Variants in RASGRP3 observed in about 807,000 individuals in gnomAD.
The protein encoded by RASGRP3 is ras guanyl-releasing protein 3.
RASGRP3 carries 54 observed loss-of-function variants against 82.7 expected under a neutral mutation model. The ratio of observed to expected loss-of-function variants is 0.65; its 90% CI spans 0.52 to 0.82. The LOEUF (loss-of-function observed/expected upper bound fraction) is 0.82. Ranked by LOEUF, RASGRP3 falls within the 40% of genes least tolerant of loss-of-function variation. The pLI is 0.00. For missense variants in RASGRP3, 861 were observed against 828.9 expected, an observed-to-expected ratio of 1.04 and a Z score of -0.48; for synonymous variants, 309 against 300.5, an observed-to-expected ratio of 1.03 and a Z score of -0.29.
intron 11 of RASGRP3, among the ~76,000 whole-genome samples, chr2:33,534,636 C>T (rs1281480758): frequency 2.6e-5 from 4 of 151,696 alleles, no homozygotes; most frequent in African/African-American, 9.7e-5. Flanking sequence ...TCATGTGATT[C>T]TCCTGCTTCA....
intron 1 of RASGRP3, among the ~76,000 whole-genome samples, chr2:33,499,069 T>C (rs973116603): frequency 2.0e-4 from 31 of 152,220 alleles, no homozygotes; most frequent in African/African-American, 7.0e-4. Flanking sequence ...ATGTATTCAA[T>C]AATCAAAAGA....
At chr2:33,489,401 A>G (rs1668666627) in intron 1 of RASGRP3, among the ~76,000 whole-genome samples, 1 of 152,194 alleles carries the variant, frequency 6.6e-6, no homozygotes, top group South Asian at 2.1e-4. Context: ...TCAAATGGCC[A>G]GTCCTTCAGA....
intron 4 of RASGRP3, among the ~76,000 whole-genome samples, chr2:33,518,269 T>C (rs548683954): frequency 6.6e-6 from 1 of 152,352 alleles, no homozygotes; most frequent in African/African-American, 2.4e-5. Context: ...GTCGCTGTAC[T>C]GAATTCTATA....
chr2:33,564,669 G>GC lies in RASGRP3; in HGVS notation c.*1934dup, dbSNP rs887631835. On this transcript the variant is annotated 3_prime_UTR_variant, in exon 18 of 18. Coordinates refer to ENST00000403687, the MANE Select transcript of RASGRP3 (RefSeq NM_001139488.2). ...GTACATAGGAAGTTTTATATTGCCA[G>GC]CCTTCCTGTGATAAAGATATTAAAT... is the stretch of plus-strand genomic sequence containing the variant. 3.3e-4 allele frequency: 50 copies of GC among 152,158 alleles called. No individual in the cohort carries two copies. Among genetic ancestry groups the GC allele is most frequent in the African/African-American group, 1.1e-3 (47 of 41,494 alleles). The allele number at this position is 152,158 out of a possible 1,614,324, so 9.4% of individuals were successfully genotyped here.
chr2:33,513,954 G>A (rs927867844), intron 2 of RASGRP3: 11 of 152,162 alleles, frequency 7.2e-5, no homozygotes, highest in Non-Finnish European at 1.5e-4. Context: ...AAGAAGAAAG[G>A]GAACACAGAA....
At chr2:33,561,409 G>A (rs1047036631) in intron 17 of RASGRP3, among the ~76,000 whole-genome samples, 4 of 152,108 alleles carry the variant, frequency 2.6e-5, no homozygotes, top group Non-Finnish European at 4.4e-5. Context: ...CACTGACCAC[G>A]AGTATTTAAT....
At chr2:33,507,849 C>A (rs1396488577) in intron 1 of RASGRP3, among the ~76,000 whole-genome samples, 1 of 152,194 alleles carries the variant, frequency 6.6e-6, no homozygotes, top group Non-Finnish European at 1.5e-5. Flanking sequence ...TTAAAAGATT[C>A]TTTCAGCTGC....
intron 10 of RASGRP3, 112 bp from the exon 11 acceptor site, chr2:33,534,211 C>A: frequency 1.4e-6 from 1 of 703,854 alleles, no homozygotes; most frequent in Non-Finnish European, 2.5e-6. Flanking sequence ...TCTGCATTTA[C>A]TCAAATTATT....
chr2:33,543,193 T>C (rs1382409726), intron 12 of RASGRP3, among the ~76,000 whole-genome samples: 1 of 152,114 alleles, frequency 6.6e-6, no homozygotes, highest in Non-Finnish European at 1.5e-5. Flanking sequence ...AAAATGTTTT[T>C]TTGTAGCAAT....
chr2:33,503,313 C>CT (rs1156491091), intron 1 of RASGRP3, among the ~76,000 whole-genome samples: 1 of 152,070 alleles, frequency 6.6e-6, no homozygotes, highest in Non-Finnish European at 1.5e-5. Flanking sequence ...ACCTAAGATA[C>CT]TACATAAATT....
chr2:33,459,632 TG>T (rs535298161), intron 2 of RASGRP3, among the ~76,000 whole-genome samples: 103 of 152,138 alleles, frequency 6.8e-4, no homozygotes, highest in Non-Finnish European at 1.2e-3. Context: ...CAGAAGTGAC[TG>T]GGCATTTTTA....
rs1207100843 is a variant in RASGRP3 at position 33,521,926 on chromosome 2, C to T, written c.369-29C>T. 7 of 1,589,284 alleles carry T rather than the reference C, an allele frequency of 4.4e-6. No homozygotes were observed. The African/African-American group carries it at 6.8e-5, about 15-fold the overall frequency. ...CATTGAGTGAAATGGGCTTTCAACA[C>T]ATTGACCGGACTCACTCTTCTTTTA... On this transcript the variant is annotated intron_variant, in intron 6 of 17. Transcript: ENST00000403687.
At chr2:33,449,374 T>A (rs755793136) in intron 2 of RASGRP3, among the ~76,000 whole-genome samples, 5 of 152,350 alleles carry the variant, frequency 3.3e-5, no homozygotes, top group Non-Finnish European at 5.9e-5. Flanking sequence ...CATAATACGT[T>A]ATACTATGTA....
chr2:33,540,519 GA>G (rs1273465643), intron 12 of RASGRP3, among the ~76,000 whole-genome samples: 5 of 137,824 alleles, frequency 3.6e-5, no homozygotes, highest in African/African-American at 1.3e-4. Context: ...TCCACATGCG[GA>G]ATTTCTCTCT....
chr2:33,471,663 C>G (rs1197615125), upstream of RASGRP3, among the ~76,000 whole-genome samples: 1 of 151,900 alleles, frequency 6.6e-6, no homozygotes, highest in Non-Finnish European at 1.5e-5. Context: ...TCAGTTAGAA[C>G]TTGATTGTGT....
At chr2:33,534,847 C>T (rs1051752082) in intron 11 of RASGRP3, among the ~76,000 whole-genome samples, 1 of 151,954 alleles carries the variant, frequency 6.6e-6, no homozygotes, top group African/African-American at 2.4e-5. Flanking sequence ...GGCCATTATT[C>T]CCATTTTATC....
At chr2:33,479,871 A>G (rs909685428) in intron 1 of RASGRP3, among the ~76,000 whole-genome samples, 13 of 152,012 alleles carry the variant, frequency 8.6e-5, no homozygotes, top group Middle Eastern at 3.2e-3. Context: ...GATAATGGGA[A>G]AGAGCACCAG....
chr2:33,455,618 C>T lies in RASGRP3; in HGVS notation c.-261+7675C>T, dbSNP rs145978302. Among the ~76,000 whole-genome samples the T allele has an allele frequency of 2.7e-4, 41 of 152,342 alleles. No homozygotes were observed. In the Middle Eastern group the frequency reaches 0.01, roughly 38 times the overall value. On this transcript the variant is annotated intron_variant, in intron 2 of 18. Coordinates refer to the RASGRP3 transcript ENST00000402538. Reference sequence around the variant, plus strand: ...GAAAGTGCTGCCAAAGGCAGACCGCCCGAGGAGCCATGTGGCCTACTTTTG... The same window carrying T: ...GAAAGTGCTGCCAAAGGCAGACCGCTCGAGGAGCCATGTGGCCTACTTTTG...
chr2:33,463,583 T>C (rs10189117), intron 2 of RASGRP3, among the ~76,000 whole-genome samples: 24,745 of 142,856 alleles, frequency 0.17, 2,306 homozygotes, highest in South Asian at 0.32. Flanking sequence ...AGCTGTCTGC[T>C]CCTTCACTCT....
Sources: gnomAD v4.1 joint callset for allele counts (sites outside exome capture counted in the v4.1 genomes callset) on GRCh38, gnomAD v4.1.1 for gene constraint, MANE v1.5 for transcripts, NCBI Gene and HGNC (gene_info 2026-07-23, HGNC 2026-07-21) for gene names.